ATG7: variants seen among roughly 807,000 people sequenced by gnomAD.
ATG7 encodes autophagy related 7, also known as ubiquitin-like modifier-activating enzyme ATG7.
ATG7 carries 70 observed loss-of-function variants against 82.4 expected under a neutral mutation model. The ratio of observed to expected loss-of-function variants is 0.85; its 90% CI spans 0.70 to 1.04. ATG7 has a LOEUF of 1.04. ATG7 is among the 50% of genes least tolerant of loss of function. ATG7 has a pLI of 0.00. For missense variants in ATG7, 792 were observed against 864.3 expected, an observed-to-expected ratio of 0.92 and a Z score of 1.05; for synonymous variants, 287 against 313.0, an observed-to-expected ratio of 0.92 and a Z score of 0.88.
chr3:11,435,281 G>A (rs1576393041), intron 20 of ATG7, among the ~76,000 whole-genome samples: 1 of 152,060 alleles, frequency 6.6e-6, no homozygotes, highest in Non-Finnish European at 1.5e-5. Context: ...GTATTGATGT[G>A]TGTCACTGTA....
At chr3:11,376,999 A>G (rs2152840838) in intron 18 of ATG7, among the ~76,000 whole-genome samples, 1 of 152,320 alleles carries the variant, frequency 6.6e-6, no homozygotes, top group Non-Finnish European at 1.5e-5. Context: ...TCGGCCTCCC[A>G]AAGTGCTGGG....
chr3:11,311,231 G>C (rs891383198), intron 7 of ATG7, among the ~76,000 whole-genome samples: 1 of 152,030 alleles, frequency 6.6e-6, no homozygotes, highest in Non-Finnish European at 1.5e-5. Context: ...TTTAATGGAG[G>C]TCATTTCTAT....
chr3:11,279,068 T>TC (rs1942498360), intron 1 of ATG7, among the ~76,000 whole-genome samples: 1 of 152,002 alleles, frequency 6.6e-6, no homozygotes, highest in African/African-American at 2.4e-5. Flanking sequence ...GCCTGGAGAG[T>TC]CCCCACTCCC....
chr3:11,350,088 C>T (rs1419952616), intron 14 of ATG7, among the ~76,000 whole-genome samples: 1 of 152,126 alleles, frequency 6.6e-6, no homozygotes, highest in African/African-American at 2.4e-5. Context: ...CAAAAAAACC[C>T]ACTTTCTCAA....
At chr3:11,447,486 G>C (rs907421732) in intron 20 of ATG7, among the ~76,000 whole-genome samples, 8 of 150,686 alleles carry the variant, frequency 5.3e-5, no homozygotes, top group Non-Finnish European at 1.2e-4. Context: ...AAAAAAAAAA[G>C]TAATTTATTG....
chr3:11,572,799 C>T, the ATG7 span, among the ~76,000 whole-genome samples: 6 of 152,142 alleles, frequency 3.9e-5, no homozygotes, highest in Non-Finnish European at 5.9e-5. Flanking sequence ...TTCTTCCATA[C>T]GAATACACCA....
In ATG7 at chr3:11,358,488, A is replaced by G. The variant is rs779297460; in HGVS notation, c.1355A>G (p.Glu452Gly). 67 of 1,614,078 alleles carry G rather than the reference A, an allele frequency of 4.2e-5. No homozygotes were observed. In the South Asian group the frequency reaches 7.0e-4, roughly 17 times the overall value. ...HPVNFSSVTL[E>G]QARRDVEQLE... ...GTGAACTTCTCCAGTGTCACTCTGG[A>G]GCAAGCCCGCAGAGATGTGGAGCAA... Residue 452 changes from glutamate (E) to glycine (G), a missense_variant, in exon 15 of 21, where the codon GAG (glutamate) becomes GGG (glycine). Transcript: ENST00000693202.
intron 10 of ATG7, chr3:11,332,746 AG>A: frequency 5.7e-6 from 2 of 348,266 alleles, no homozygotes; most frequent in African/African-American, 4.2e-5. Flanking sequence ...TCACCTAGAA[AG>A]AAATCACAGC....
At chr3:11,395,083 C>T (rs1290411695) in intron 19 of ATG7, among the ~76,000 whole-genome samples, 3 of 152,050 alleles carry the variant, frequency 2.0e-5, no homozygotes, top group Non-Finnish European at 4.4e-5. Flanking sequence ...TACGGCTTTC[C>T]AGATTTAAAA....
At chr3:11,406,776 A>C (rs555564835) in intron 19 of ATG7, among the ~76,000 whole-genome samples, 10 of 152,232 alleles carry the variant, frequency 6.6e-5, no homozygotes, top group East Asian at 1.9e-4. Context: ...AAACCATCAG[A>C]TCTCATAAGA....
intron 20 of ATG7, among the ~76,000 whole-genome samples, chr3:11,477,685 T>C (rs1287358572): frequency 1.3e-5 from 2 of 152,166 alleles, no homozygotes; most frequent in Non-Finnish European, 2.9e-5. Flanking sequence ...CAAGGGGGAA[T>C]TTTTTTGCTT....
chr3:11,530,068 C>T (rs997672670), intron 20 of ATG7, among the ~76,000 whole-genome samples: 32 of 152,212 alleles, frequency 2.1e-4, no homozygotes, highest in Admixed American at 1.8e-3. Flanking sequence ...TTTTTGAGGA[C>T]GCCTCTCGGT....
rs539939338 is a variant in ATG7 at position 11,478,858 on chromosome 3, T to G, written c.2079+51932T>G. Among the ~76,000 whole-genome samples, 6 of 152,174 alleles carry G rather than the reference T, an allele frequency of 3.9e-5. No homozygotes were observed. In the South Asian group the frequency reaches 1.0e-3, roughly 26 times the overall value. ...CAACTTCCTGTTTCTCTTATTAACA[T>G]GCATTTATTATTTAATAAGTATTTA... On this transcript the variant is annotated intron_variant, in intron 20 of 20. Coordinates refer to ENST00000693202, the MANE Select transcript of ATG7 (RefSeq NM_001349232.2).
intron 1 of ATG7, among the ~76,000 whole-genome samples, chr3:11,273,583 T>C (rs1941000139): frequency 6.6e-6 from 1 of 152,242 alleles, no homozygotes; most frequent in South Asian, 2.1e-4. Flanking sequence ...AATTTTGTCA[T>C]GTTTTGTTAT....
At chr3:11,300,240 T>A (rs1364685798) in intron 5 of ATG7, among the ~76,000 whole-genome samples, 1 of 152,086 alleles carries the variant, frequency 6.6e-6, no homozygotes, top group Non-Finnish European at 1.5e-5. Context: ...AAGAGACACA[T>A]TTATTGAGCA....
chr3:11,377,074 T>TA (rs1422796757), intron 18 of ATG7, among the ~76,000 whole-genome samples: 1 of 152,038 alleles, frequency 6.6e-6, no homozygotes, highest in African/African-American at 2.4e-5. Flanking sequence ...AGGGAGTGGG[T>TA]AAAAAATGAC....
In ATG7 at chr3:11,449,870, T is replaced by G. The variant is rs567135896; in HGVS notation, c.2079+22944T>G. On this transcript the variant is annotated intron_variant, in intron 20 of 20. Coordinates refer to ENST00000693202, the MANE Select transcript of ATG7 (RefSeq NM_001349232.2). ...AAACGCATTAACTGCTGAGAACACG[T>G]TTTCATTTTGAGTTGTCTATAAGAG... Among the ~76,000 whole-genome samples, 18 of 152,226 alleles carry G rather than the reference T, an allele frequency of 1.2e-4. No homozygotes were observed. In the South Asian group the frequency reaches 3.5e-3, roughly 30 times the overall value.
chr3:11,445,387 A>G (rs2084442319), intron 20 of ATG7, among the ~76,000 whole-genome samples: 1 of 152,204 alleles, frequency 6.6e-6, no homozygotes, highest in Non-Finnish European at 1.5e-5. Flanking sequence ...AAAGAAGATC[A>G]TGGATGGAGC....
At chr3:11,508,453 T>C (rs767490299) in intron 20 of ATG7, among the ~76,000 whole-genome samples, 3 of 152,068 alleles carry the variant, frequency 2.0e-5, no homozygotes, top group Non-Finnish European at 4.4e-5. Context: ...CTAAGGGATA[T>C]AGCTTTATTT....
Sources: gnomAD v4.1 joint callset for allele counts (sites outside exome capture counted in the v4.1 genomes callset) on GRCh38, gnomAD v4.1.1 for gene constraint, MANE v1.5 for transcripts, NCBI Gene and HGNC (gene_info 2026-07-23, HGNC 2026-07-21) for gene names.